INSC: variants seen among roughly 807,000 people sequenced by gnomAD.
INSC encodes INSC spindle orientation adaptor protein, also known as protein inscuteable homolog.
A neutral mutation model predicts 58.6 loss-of-function variants in INSC; 67 were observed. The ratio of observed to expected loss-of-function variants is 1.14; its 90% confidence interval spans 0.94 to 1.40. INSC has a LOEUF of 1.40. Ranked by LOEUF, INSC falls within the 40% of genes most tolerant of loss-of-function variation. INSC has a pLI of 0.00. For missense variants in INSC, 714 were observed against 692.0 expected (o/e 1.03, Z -0.36); for synonymous variants, 262 against 276.1 (o/e 0.95, Z 0.51).
In INSC at chr11:15,235,618, C is replaced by CTGTTT; in HGVS notation, c.1187_1188insTGTTT (p.Asn397ValfsTer2). ...CTTTTCCAGATTGTGACCATCTTGG[C>CTGTTT]AAACATGTCTGTCCTAGAACAGTGT... On this transcript the variant is annotated frameshift_variant, in exon 10 of 13. Coordinates refer to ENST00000379556, the MANE Select transcript of INSC (RefSeq NM_001042536.3). LOFTEE classifies it high-confidence loss of function. 3 of 1,613,824 alleles carry CTGTTT rather than the reference C, an allele frequency of 1.9e-6. No individual in the cohort carries two copies. The highest frequency in any genetic ancestry group is 2.5e-6 in the Non-Finnish European group (3 of 1,179,698).
At chr11:15,151,038 A>G (rs1280209549) in intron 2 of INSC, among the ~76,000 whole-genome samples, 1 of 152,134 alleles carries the variant, frequency 6.6e-6, no homozygotes. Context: ...CTAGAGCCTG[A>G]GGGTGCTTTG....
chr11:15,262,655 A>AACACACACACACACACACACACACAC, the INSC span, among the ~76,000 whole-genome samples: 10 of 146,680 alleles, frequency 6.8e-5, no homozygotes, highest in African/African-American at 2.5e-4. Context: ...CTGGGTGATA[A>AACACACACACACACACACACACACAC]ACACACACAC....
chr11:15,263,070 A>T, the INSC span, among the ~76,000 whole-genome samples: 1 of 152,218 alleles, frequency 6.6e-6, no homozygotes, highest in Non-Finnish European at 1.5e-5. Context: ...TAAAAAATAA[A>T]ATAATTGAAA....
intron 1 of INSC, among the ~76,000 whole-genome samples, chr11:15,120,937 A>C (rs1387977981): frequency 2.2e-5 from 3 of 137,400 alleles, no homozygotes; most frequent in African/African-American, 9.7e-5. Context: ...TTACTTTATT[A>C]ACTTTCATTC....
chr11:15,221,051 C>G (rs1792554), intron 7 of INSC, among the ~76,000 whole-genome samples: 112,722 of 152,160 alleles, frequency 0.74, 42,651 homozygotes, highest in East Asian at 0.97. Context: ...CCCTGTTGAA[C>G]GGTGAGGAAA....
At position 15,221,574 on chromosome 11, in the gene INSC, C is replaced by A. The variant is rs373320278; in HGVS notation, c.917C>A (p.Ser306Tyr). 1.9e-6 allele frequency: 3 copies of A among 1,613,902 alleles called. No individual in the cohort carries two copies. Among genetic ancestry groups the A allele is most frequent in the Non-Finnish European group, 2.5e-6 (3 of 1,179,988 alleles). The change falls in exon 8 of 13, where the codon TCC becomes TAC. Residue 306 changes from serine to tyrosine, a missense_variant. Coordinates refer to ENST00000379556, the MANE Select transcript of INSC (RefSeq NM_001042536.3). ...EAAAVVAQVT[S>Y]PHLPVTQHLS... ...GCGGCTGTGGTGGCCCAGGTCACCTCCCCACACCTGCCCGTCACCCAGCAC... is the reference window on the plus strand; with the variant it reads ...GCGGCTGTGGTGGCCCAGGTCACCTACCCACACCTGCCCGTCACCCAGCAC...
chr11:15,121,732 A>T (rs1167757106), intron 1 of INSC, among the ~76,000 whole-genome samples: 1 of 152,188 alleles, frequency 6.6e-6, no homozygotes, highest in Non-Finnish European at 1.5e-5. Context: ...ATTCTACTTT[A>T]AAAAAATCTT....
intron 9 of INSC, among the ~76,000 whole-genome samples, chr11:15,229,992 TATATA>T (rs1402828650): frequency 6.6e-5 from 2 of 30,156 alleles, no homozygotes; most frequent in South Asian, 2.4e-3. Flanking sequence ...TATATATATA[TATATA>T]TATATATATA....
At chr11:15,151,225 G>T (rs142465340) in intron 2 of INSC, among the ~76,000 whole-genome samples, 45 of 152,248 alleles carry the variant, frequency 3.0e-4, no homozygotes, top group African/African-American at 1.1e-3. Context: ...TCTCATAGGA[G>T]CGCGAACCCT....
At chr11:15,196,025 C>T (rs984864661) in intron 6 of INSC, among the ~76,000 whole-genome samples, 1 of 152,224 alleles carries the variant, frequency 6.6e-6, no homozygotes, top group African/African-American at 2.4e-5. Flanking sequence ...ACAGGCTTCT[C>T]AGCTGTTCCA....
At position 15,200,948 on chromosome 11, in the gene INSC, A is replaced by G. The variant is rs1304400496; in HGVS notation, c.818A>G (p.Lys273Arg). ...CVEEGVHQLEKVDGVLCLADI... is the reference protein window; with the variant it reads ...CVEEGVHQLERVDGVLCLADI... Reference sequence around the variant, plus strand: ...GAAGAGGGTGTCCACCAGCTGGAGAAGGTAAGGACAGCTGGCTGGGTGGTG... The same window carrying G: ...GAAGAGGGTGTCCACCAGCTGGAGAGGGTAAGGACAGCTGGCTGGGTGGTG... The change falls in exon 7 of 13, where the codon AAG becomes AGG. Residue 273 changes from lysine (K) to arginine (R), a missense_variant and splice_region_variant. Transcript: ENST00000379556. The G allele has an allele frequency of 6.3e-6, 10 of 1,599,474 alleles. No individual in the cohort carries two copies. The African/African-American group carries it at 1.3e-4, about 21-fold the overall frequency.
chr11:15,219,744 C>T (rs1341248743), intron 7 of INSC, among the ~76,000 whole-genome samples: 2 of 152,210 alleles, frequency 1.3e-5, no homozygotes, highest in African/African-American at 4.8e-5. Flanking sequence ...AGATATTTCC[C>T]CACTAATGAT....
At chr11:15,203,641 T>G (rs914436871) in intron 7 of INSC, among the ~76,000 whole-genome samples, 1 of 152,234 alleles carries the variant, frequency 6.6e-6, no homozygotes, top group Non-Finnish European at 1.5e-5. Flanking sequence ...ATTCAGCAAA[T>G]ATTTACTATC....
intron 8 of INSC, among the ~76,000 whole-genome samples, chr11:15,223,240 A>C (rs1048680325): frequency 2.0e-5 from 3 of 152,256 alleles, no homozygotes; most frequent in African/African-American, 7.2e-5. Flanking sequence ...TCAAATAAAC[A>C]AAAGTACATG....
intron 1 of INSC, among the ~76,000 whole-genome samples, chr11:15,122,649 A>G (rs953670160): frequency 2.6e-5 from 4 of 152,156 alleles, no homozygotes; most frequent in African/African-American, 9.7e-5. Context: ...CTCAAAACCC[A>G]TATCCAATCC....
At chr11:15,212,945 TTATTAAG>T (rs1246293359) in intron 7 of INSC, among the ~76,000 whole-genome samples, 3 of 152,182 alleles carry the variant, frequency 2.0e-5, no homozygotes, top group Non-Finnish European at 4.4e-5. Flanking sequence ...TATTATTTTA[TTATTAAG>T]TATGATACCA....
At chr11:15,128,834 G>A (rs1248685769) in intron 1 of INSC, among the ~76,000 whole-genome samples, 3 of 152,208 alleles carry the variant, frequency 2.0e-5, no homozygotes, top group South Asian at 2.1e-4. Context: ...AGCTTTTACC[G>A]ACAGTCCAGC....
intron 7 of INSC, among the ~76,000 whole-genome samples, chr11:15,207,706 G>A (rs1269712622): frequency 6.6e-6 from 1 of 152,202 alleles, no homozygotes; most frequent in Non-Finnish European, 1.5e-5. Context: ...TGTCTCCACT[G>A]TCTGCTCCCT....
chr11:15,235,413 G>A (rs998225798), intron 9 of INSC, among the ~76,000 whole-genome samples, 189 bp from the exon 10 acceptor site: 26 of 152,208 alleles, frequency 1.7e-4, no homozygotes, highest in Admixed American at 1.2e-3. Flanking sequence ...ATTAGTCACC[G>A]GGGAAATACA....
Sources: allele counts gnomAD v4.1 joint callset (sites outside exome capture counted in the v4.1 genomes callset), GRCh38; gene constraint gnomAD v4.1.1; transcripts MANE v1.5; gene names NCBI Gene and HGNC (gene_info 2026-07-23, HGNC 2026-07-21).